Variants in BNC2 observed in about 807,000 individuals in gnomAD.
The protein encoded by BNC2 is basonuclin zinc finger protein 2.
In BNC2, 20 loss-of-function variants were observed where a neutral mutation model predicts 76.3. The observed-to-expected ratio is 0.26, with a 90% confidence interval of 0.18 to 0.38. The LOEUF (loss-of-function observed/expected upper bound fraction) is 0.38, where lower values mean the gene tolerates loss of function less well. Among genes scored for constraint, BNC2 ranks in the 10% least tolerant of loss-of-function variants. BNC2 has a pLI of 1.00. For synonymous variants in BNC2, 582 were observed against 514.8 expected, an observed-to-expected ratio of 1.13 and a Z score of -1.77; for missense variants, 1,382 against 1,399.8, an observed-to-expected ratio of 0.99 and a Z score of 0.20.
At chr9:16,765,099 C>T (rs559288001) in intron 1 of BNC2, among the ~76,000 whole-genome samples, 2 of 152,204 alleles carry the variant, frequency 1.3e-5, no homozygotes, top group African/African-American at 2.4e-5. Flanking sequence ...CAGCTAAGGA[C>T]GGACGTTTGT....
At chr9:16,489,374 A>C (rs1298276213) in intron 5 of BNC2, among the ~76,000 whole-genome samples, 1 of 152,192 alleles carries the variant, frequency 6.6e-6, no homozygotes, top group Non-Finnish European at 1.5e-5. Flanking sequence ...TAGACAGCAT[A>C]GGTTTATAGT....
chr9:16,494,229 T>G (rs1822337905), intron 5 of BNC2, among the ~76,000 whole-genome samples: 1 of 152,098 alleles, frequency 6.6e-6, no homozygotes, highest in Non-Finnish European at 1.5e-5. Flanking sequence ...CTCGGCTCAC[T>G]GCAAACTACA....
rs1042807360 is a variant in BNC2, at chr9:16,416,867, T to C, written c.*2122A>G. The C allele has an allele frequency of 2.0e-5, 3 of 152,566 alleles. No individual in the cohort carries two copies. The South Asian group carries it at 6.2e-4, about 32-fold the overall frequency. The allele number at this position is 152,566 out of a possible 1,614,324, so 9.5% of individuals were successfully genotyped here. A position where few individuals can be genotyped will look rare whatever the true frequency, so the allele number is the denominator to read the frequency against. ...AAATACTGTGAGGTACAATAAATCC[T>C]ACAGGAATAATAACAACAGAAACAT... is the stretch of plus-strand genomic sequence containing the variant. On this transcript the variant is annotated 3_prime_UTR_variant, in exon 7 of 7. Coordinates refer to ENST00000380672, the MANE Select transcript of BNC2 (RefSeq NM_017637.6).
At chr9:16,825,191 T>A (rs1818425476) in intron 1 of BNC2, among the ~76,000 whole-genome samples, 1 of 152,150 alleles carries the variant, frequency 6.6e-6, no homozygotes, top group Admixed American at 6.5e-5. Flanking sequence ...TGCAACCACT[T>A]TTCAAAGATG....
At chr9:16,597,561 T>A (rs992895772) in intron 3 of BNC2, among the ~76,000 whole-genome samples, 2 of 152,180 alleles carry the variant, frequency 1.3e-5, no homozygotes, top group African/African-American at 4.8e-5. Flanking sequence ...TGATGTAGGT[T>A]ACAATAGAAA....
chr9:16,581,513 G>C (rs1417135349), intron 4 of BNC2, among the ~76,000 whole-genome samples: 1 of 152,158 alleles, frequency 6.6e-6, no homozygotes, highest in Non-Finnish European at 1.5e-5. Flanking sequence ...ACCAGGGCAT[G>C]CTCCCACAGA....
intron 5 of BNC2, among the ~76,000 whole-genome samples, chr9:16,501,450 A>G (rs932765946): frequency 2.6e-5 from 4 of 152,144 alleles, no homozygotes; most frequent in African/African-American, 7.2e-5. Flanking sequence ...CATACATTTT[A>G]CCATCACAAC....
At chr9:16,455,387 C>G (rs979854459) in intron 5 of BNC2, among the ~76,000 whole-genome samples, 3 of 152,194 alleles carry the variant, frequency 2.0e-5, no homozygotes, top group African/African-American at 7.2e-5. Flanking sequence ...CCATTTAATT[C>G]TTAATATGGA....
At chr9:16,794,308 G>A (rs765270820) in intron 1 of BNC2, among the ~76,000 whole-genome samples, 16 of 152,128 alleles carry the variant, frequency 1.1e-4, no homozygotes, top group Non-Finnish European at 2.2e-4. Flanking sequence ...ATGACTGCTC[G>A]TAAACCAATC....
At chr9:16,743,255 T>C (rs1051898126) in intron 1 of BNC2, among the ~76,000 whole-genome samples, 1 of 152,168 alleles carries the variant, frequency 6.6e-6, no homozygotes, top group Non-Finnish European at 1.5e-5. Context: ...TTCTGCTACA[T>C]GCATAGCACA....
At chr9:16,576,625 T>A (rs1338805788) in intron 4 of BNC2, among the ~76,000 whole-genome samples, 1 of 152,248 alleles carries the variant, frequency 6.6e-6, no homozygotes, top group Non-Finnish European at 1.5e-5. Flanking sequence ...TGTTTTGATC[T>A]GCCTTGCTTG....
intron 1 of BNC2, among the ~76,000 whole-genome samples, chr9:16,866,980 T>A (rs933782261): frequency 6.6e-6 from 1 of 152,302 alleles, no homozygotes; most frequent in Middle Eastern, 3.4e-3. Context: ...CAGAAAGCGT[T>A]GCTCCTTATA....
intron 1 of BNC2, among the ~76,000 whole-genome samples, chr9:16,759,391 T>C (rs1225419430): frequency 6.6e-6 from 1 of 152,194 alleles, no homozygotes; most frequent in African/African-American, 2.4e-5. Context: ...ACTTTTAAGA[T>C]TTCAGGAGGA....
At chr9:16,611,641 T>C (rs1820548614) in intron 3 of BNC2, among the ~76,000 whole-genome samples, 1 of 152,274 alleles carries the variant, frequency 6.6e-6, no homozygotes, top group East Asian at 1.9e-4. Context: ...GGTCTCACTT[T>C]ACACTCTGAT....
rs1276565744 is a variant in BNC2 at position 16,418,044 on chromosome 9, T to A, written c.*945A>T. On this transcript the variant is annotated 3_prime_UTR_variant, in exon 7 of 7. Coordinates refer to ENST00000380672, the MANE Select transcript of BNC2 (RefSeq NM_017637.6). ...TACTTTGTTTGGCATTTGTGCCCTATACTGACCAGACCATTTTTATACAAG... is the reference window on the plus strand; with the variant it reads ...TACTTTGTTTGGCATTTGTGCCCTAAACTGACCAGACCATTTTTATACAAG... 6.6e-6 allele frequency: 1 copy of A among 152,664 alleles called. No individual in the cohort carries two copies. The highest frequency in any genetic ancestry group is 1.5e-5 in the Non-Finnish European group (1 of 68,036). 9.5% of individuals were successfully genotyped at this position (152,664 alleles called of 1,614,324 possible). A position where few individuals can be genotyped will look rare whatever the true frequency, so the allele number is the denominator to read the frequency against.
intron 3 of BNC2, among the ~76,000 whole-genome samples, chr9:16,665,377 A>AG (rs1822242090): frequency 1.9e-5 from 1 of 52,938 alleles, no homozygotes; most frequent in Non-Finnish European, 4.7e-5. Flanking sequence ...TCTCAAAAAA[A>AG]AAAAAAAAAA....
intron 5 of BNC2, among the ~76,000 whole-genome samples, chr9:16,498,007 GTGTGTGTGTGTA>G (rs1822428785): frequency 7.2e-6 from 1 of 139,606 alleles, no homozygotes; most frequent in African/African-American, 3.2e-5. Flanking sequence ...GTGTGTGTGT[GTGTGTGTGTGTA>G]TGTATTCCAC....
intron 5 of BNC2, among the ~76,000 whole-genome samples, chr9:16,485,542 G>A (rs934015694): frequency 1.3e-5 from 2 of 152,204 alleles, no homozygotes; most frequent in African/African-American, 4.8e-5. Flanking sequence ...TATAGGCTCT[G>A]TCAGGGCCGG....
chr9:16,665,252 C>G (rs1333339316), intron 3 of BNC2: 1 of 360,482 alleles, frequency 2.8e-6, no homozygotes, highest in African/African-American at 2.2e-5. Context: ...TGCCTGTAAT[C>G]CCAGCTACTC....
Sources: allele counts gnomAD v4.1 joint callset (sites outside exome capture counted in the v4.1 genomes callset), GRCh38; gene constraint gnomAD v4.1.1; transcripts MANE v1.5; gene names NCBI Gene and HGNC (gene_info 2026-07-23, HGNC 2026-07-21).